Variants in SPAG11B observed in about 807,000 individuals in gnomAD.
SPAG11B encodes sperm associated antigen 11B.
Under a neutral mutation model 8.9 loss-of-function variants are expected in SPAG11B, and 5 were observed. The observed-to-expected ratio is 0.56, with a 90% CI of 0.29 to 1.19. The LOEUF is 1.19. SPAG11B is among the 50% of genes most tolerant of loss of function. The probability of loss-of-function intolerance (pLI) is 0.08; values close to 1 mark genes in which losing one functional copy is unlikely to be tolerated. For missense variants in SPAG11B, 38 were observed against 146.4 expected, an observed-to-expected ratio of 0.26 and a Z score of 3.82; for synonymous variants, 12 against 53.0, an observed-to-expected ratio of 0.23 and a Z score of 3.36.
intron 2 of SPAG11B, among the ~76,000 whole-genome samples, chr8:7,452,737 A>G (rs1438291744): frequency 1.2e-5 from 1 of 85,204 alleles, no homozygotes; most frequent in African/African-American, 5.2e-5. Context: ...TCCCAGCAAC[A>G]TGACTCCCAT....
chr8:7,454,136 A>C, intron 2 of SPAG11B, among the ~76,000 whole-genome samples: 1 of 126,942 alleles, frequency 7.9e-6, no homozygotes, highest in Non-Finnish European at 1.6e-5. Flanking sequence ...TTTGCCCCTT[A>C]GGGAAATTGG....
At chr8:7,452,021 C>T (rs1810219186) in intron 2 of SPAG11B, among the ~76,000 whole-genome samples, 1 of 130,828 alleles carries the variant, frequency 7.6e-6, no homozygotes, top group Non-Finnish European at 1.6e-5. Context: ...GCAGTGAGTG[C>T]TTGCCACTTG....
At chr8:7,451,376 C>T (rs1278114814) in intron 2 of SPAG11B, among the ~76,000 whole-genome samples, 1 of 129,650 alleles carries the variant, frequency 7.7e-6, no homozygotes, top group East Asian at 2.0e-4. Flanking sequence ...GACCTGTGGG[C>T]TTGTAAGTCA....
At chr8:7,447,810 C>G (rs562257269), downstream of SPAG11B, 41 of 383,370 alleles carry the variant, frequency 1.1e-4, 11 homozygotes, top group African/African-American at 1.3e-3. Context: ...ATACTCCGGT[C>G]TCTCACATGG....
Position 7,458,562 on chromosome 8 carries a change from T to A in SPAG11B, c.214+4145A>T, listed in dbSNP as rs868053829. ...GAAACTGTGGTCAGCAAAATGAGAA[T>A]TAGATCCCATGAGAAAGTCACACGT... is the stretch of plus-strand genomic sequence containing the variant. On this transcript the variant is annotated intron_variant, in intron 2 of 2. Transcript: ENST00000398462. Among the ~76,000 whole-genome samples the A allele has an allele frequency of 5.5e-5, 3 of 54,450 alleles. No individual in the cohort carries two copies. The East Asian group carries it at 1.8e-3, about 33-fold the overall frequency. 35.7% of individuals were successfully genotyped at this position (54,450 alleles called of 152,430 possible).
chr8:7,449,451 C>T (rs1164007526), downstream of SPAG11B, among the ~76,000 whole-genome samples: 2 of 147,476 alleles, frequency 1.4e-5, no homozygotes, highest in South Asian at 4.2e-4. Flanking sequence ...TCACTCTGAG[C>T]CAAGGCTAAT....
At chr8:7,450,206 G>C (rs1197507616), downstream of SPAG11B, among the ~76,000 whole-genome samples, 3 of 126,810 alleles carry the variant, frequency 2.4e-5, no homozygotes, top group East Asian at 6.6e-4. Context: ...TCAGCTTGTT[G>C]TATTAATAAA....
intron 2 of SPAG11B, among the ~76,000 whole-genome samples, chr8:7,455,860 AC>A (rs1401839398): frequency 6.8e-6 from 1 of 147,594 alleles, no homozygotes; most frequent in Non-Finnish European, 1.5e-5. Flanking sequence ...TAAGCTAGGC[AC>A]AAAATACCAC....
chr8:7,462,449 T>C (rs113508002), intron 2 of SPAG11B, among the ~76,000 whole-genome samples: 16,169 of 137,370 alleles, frequency 0.12, 97 homozygotes, highest in African/African-American at 0.26. Flanking sequence ...CAATTACAGG[T>C]GTGGCTTCAG....
intron 2 of SPAG11B, among the ~76,000 whole-genome samples, chr8:7,453,909 CA>C (rs1382116252): frequency 3.2e-4 from 47 of 145,808 alleles, no homozygotes; most frequent in African/African-American, 9.4e-4. Flanking sequence ...GACCCTCCAC[CA>C]AAAAAAAAGA....
At chr8:7,450,285 T>C (rs541648658), downstream of SPAG11B, among the ~76,000 whole-genome samples, 4 of 146,096 alleles carry the variant, frequency 2.7e-5, no homozygotes, top group South Asian at 2.1e-4. Context: ...GTTGGTGTTA[T>C]TGCTTGAGGA....
intron 2 of SPAG11B, among the ~76,000 whole-genome samples, chr8:7,459,507 A>G (rs1342316576): frequency 1.3e-5 from 2 of 148,670 alleles, no homozygotes; most frequent in African/African-American, 2.5e-5. Flanking sequence ...TATTCATGTG[A>G]AAACAGGTGG....
chr8:7,448,893 A>G (rs1415217389), downstream of SPAG11B, among the ~76,000 whole-genome samples: 1 of 144,414 alleles, frequency 6.9e-6, no homozygotes, highest in African/African-American at 2.6e-5. Context: ...GTTTTTTACC[A>G]TGCCTTACAG....
intron 2 of SPAG11B, among the ~76,000 whole-genome samples, chr8:7,453,629 C>A (rs551445152): frequency 2.7e-5 from 4 of 150,496 alleles, no homozygotes; most frequent in Non-Finnish European, 5.9e-5. Context: ...CAGTCTACAA[C>A]AACCATATCT....
downstream of SPAG11B, among the ~76,000 whole-genome samples, chr8:7,449,616 G>GA (rs1317869052): frequency 4.6e-4 from 69 of 149,596 alleles, no homozygotes; most frequent in African/African-American, 1.5e-3. Context: ...ATTTAGAAAA[G>GA]AAAAAAAACA....
chr8:7,462,124 CCCAGGGGTTTGGGGGCTGA>C (rs1810695928), intron 2 of SPAG11B, among the ~76,000 whole-genome samples: 1 of 70,490 alleles, frequency 1.4e-5, no homozygotes, highest in Non-Finnish European at 3.0e-5. Context: ...GCTGGTCCTG[CCCAGGGGTTTGGGGGCTGA>C]CCAGAAGCCT....
At chr8:7,459,596 C>A (rs1417192162) in intron 2 of SPAG11B, among the ~76,000 whole-genome samples, 2 of 147,772 alleles carry the variant, frequency 1.4e-5, no homozygotes, top group African/African-American at 5.0e-5. Flanking sequence ...GAAGTCCCAA[C>A]TCCTAGCTTC....
chr8:7,451,323 T>A, intron 2 of SPAG11B: 1 of 722,824 alleles, frequency 1.4e-6, no homozygotes, highest in South Asian at 2.3e-5. Flanking sequence ...TAGTTTTATG[T>A]CCTACAACGA....
At chr8:7,453,953 A>T (rs1300019898) in intron 2 of SPAG11B, among the ~76,000 whole-genome samples, 1 of 148,188 alleles carries the variant, frequency 6.7e-6, no homozygotes, top group Non-Finnish European at 1.5e-5. Flanking sequence ...AATGTTAGCT[A>T]TGTACTAAGT....
Sources: allele counts gnomAD v4.1 joint callset (sites outside exome capture counted in the v4.1 genomes callset), GRCh38; gene constraint gnomAD v4.1.1; transcripts MANE v1.5; gene names NCBI Gene and HGNC (gene_info 2026-07-23, HGNC 2026-07-21).